The following KAZN variants were observed in gnomAD, a reference collection of about 807,000 sequenced individuals.
KAZN encodes kazrin.
Under a neutral mutation model 87.4 loss-of-function variants are expected in KAZN, and 40 were observed. The observed-to-expected ratio is 0.46, with a 90% CI of 0.36 to 0.60. The LOEUF (loss-of-function observed/expected upper bound fraction) is 0.60. Ranked by LOEUF, KAZN falls within the 20% of genes least tolerant of loss-of-function variation. The pLI is 0.00. For synonymous variants in KAZN, 466 were observed against 458.3 expected, an observed-to-expected ratio of 1.02 and a Z score of -0.22; for missense variants, 898 against 1,073.9, an observed-to-expected ratio of 0.84 and a Z score of 2.29.
At chr1:14,014,315 G>A (rs1407971398) in intron 1 of KAZN, among the ~76,000 whole-genome samples, 1 of 151,948 alleles carries the variant, frequency 6.6e-6, no homozygotes, top group Non-Finnish European at 1.5e-5. Flanking sequence ...GGGTGCTTGG[G>A]CAATGACATG....
At chr1:14,102,115 TC>T (rs1170075787) in intron 1 of KAZN, among the ~76,000 whole-genome samples, 1 of 151,986 alleles carries the variant, frequency 6.6e-6, no homozygotes, top group Non-Finnish European at 1.5e-5. Context: ...AAAAAATAAG[TC>T]CCTTGACTTA....
intron 2 of KAZN, among the ~76,000 whole-genome samples, chr1:14,443,534 C>T (rs1240854390): frequency 1.3e-5 from 2 of 152,232 alleles, no homozygotes; most frequent in African/African-American, 2.4e-5. Flanking sequence ...GGAGAGTCTC[C>T]ATTGGATTGG....
At position 14,656,953 on chromosome 1, in the gene KAZN, C is replaced by T. The variant is rs138049156; in HGVS notation, c.226+57730C>T. Among the ~76,000 whole-genome samples, 262 of 152,200 alleles carry T rather than the reference C, an allele frequency of 1.7e-3. No homozygotes were observed. The East Asian group carries it at 0.02, about 11-fold the overall frequency. ...TTACAGGCCAGGAAACTGAAGTTGG[C>T]GGAGATTCCTCTAGCTGGCAGAATG... On this transcript the variant is annotated intron_variant, in intron 1 of 14. Transcript: ENST00000376030.
Position 14,486,215 on chromosome 1 carries a change from AAAAT to A in KAZN, c.250-112765_250-112762del, listed in dbSNP as rs941237586. On this transcript the variant is annotated intron_variant, in intron 2 of 16. Transcript: ENST00000636203. ...ATATATATCTAGATGGAAAAAATGA[AAAAT>A]AAGTTTAAAGACATTAAGATTTCTA... 1.1e-4 allele frequency among the ~76,000 whole-genome samples: 17 copies of A among 152,228 alleles called. 1 individual carries two copies. The highest frequency in any genetic ancestry group is 2.2e-4 in the Non-Finnish European group (15 of 68,038).
chr1:14,382,253 T>A (rs187199416), intron 2 of KAZN, among the ~76,000 whole-genome samples: 9 of 152,284 alleles, frequency 5.9e-5, no homozygotes, highest in African/African-American at 2.2e-4. Context: ...AATCTACAGA[T>A]TTAATGCAGT....
chr1:14,513,583 A>G (rs1671033140), intron 2 of KAZN, among the ~76,000 whole-genome samples: 1 of 152,216 alleles, frequency 6.6e-6, no homozygotes, highest in Non-Finnish European at 1.5e-5. Flanking sequence ...TTCATGAAAT[A>G]GAAGAATTGC....
chr1:14,067,183 C>T (rs1643042296), intron 1 of KAZN, among the ~76,000 whole-genome samples: 1 of 152,148 alleles, frequency 6.6e-6, no homozygotes, highest in African/African-American at 2.4e-5. Flanking sequence ...CCTTGTCTGT[C>T]TTGCCAACGG....
chr1:14,348,540 T>C (rs1389569870), intron 2 of KAZN, among the ~76,000 whole-genome samples: 1 of 152,238 alleles, frequency 6.6e-6, no homozygotes, highest in African/African-American at 2.4e-5. Context: ...GATTTGCACG[T>C]TGGCATGCTA....
At chr1:14,019,024 C>T (rs556901947) in intron 1 of KAZN, among the ~76,000 whole-genome samples, 130 of 152,318 alleles carry the variant, frequency 8.5e-4, no homozygotes, top group Non-Finnish European at 1.4e-3. Flanking sequence ...GATTCTGTCT[C>T]TCTGGAGTCA....
chr1:14,006,264 A>G (rs1361276285), intron 1 of KAZN, among the ~76,000 whole-genome samples: 1 of 152,208 alleles, frequency 6.6e-6, no homozygotes, highest in East Asian at 1.9e-4. Context: ...GCTTATAAAG[A>G]AAATATATTT....
intron 2 of KAZN, among the ~76,000 whole-genome samples, chr1:14,270,864 C>A (rs998594022): frequency 2.0e-5 from 3 of 152,150 alleles, no homozygotes; most frequent in African/African-American, 7.2e-5. Flanking sequence ...TTTACCCCTT[C>A]CATCCTCACT....
At chr1:13,894,852 A>C (rs1247419130) in intron 1 of KAZN, among the ~76,000 whole-genome samples, 1 of 152,240 alleles carries the variant, frequency 6.6e-6, no homozygotes, top group Non-Finnish European at 1.5e-5. Flanking sequence ...GAGAAGACAC[A>C]CTGGAGCTGG....
intron 1 of KAZN, among the ~76,000 whole-genome samples, chr1:14,015,459 CTTTTTTTTTTTTTTTTTTTTTTTT>C (rs70987713): frequency 1.6e-4 from 4 of 25,066 alleles, no homozygotes; most frequent in Non-Finnish European, 3.4e-4. Context: ...GTTACATCTA[CTTTTTTTTTTTTTTTTTTTTTTTT>C]TTTTTTTTTT....
At chr1:14,794,741 G>A (rs1156811646) in intron 1 of KAZN, among the ~76,000 whole-genome samples, 1 of 152,180 alleles carries the variant, frequency 6.6e-6, no homozygotes, top group African/African-American at 2.4e-5. Flanking sequence ...AACTTGATTT[G>A]ATTGAAGGAT....
intron 1 of KAZN, among the ~76,000 whole-genome samples, chr1:14,736,102 G>T (rs1557437276): frequency 6.6e-6 from 1 of 152,104 alleles, no homozygotes; most frequent in African/African-American, 2.4e-5. Flanking sequence ...AAAAACAGAA[G>T]TTCCCCACAG....
intron 2 of KAZN, among the ~76,000 whole-genome samples, chr1:14,243,712 G>C (rs1649222582): frequency 6.6e-6 from 1 of 152,170 alleles, no homozygotes; most frequent in African/African-American, 2.4e-5. Flanking sequence ...GAAACAGTTT[G>C]CAAGCTGTTG....
intron 1 of KAZN, among the ~76,000 whole-genome samples, chr1:14,055,934 G>T (rs754204116): frequency 2.0e-5 from 3 of 152,102 alleles, no homozygotes; most frequent in Non-Finnish European, 4.4e-5. Context: ...GGTCTTAATC[G>T]TTCCCTTCAC....
intron 2 of KAZN, among the ~76,000 whole-genome samples, chr1:14,302,164 C>T (rs755870304): frequency 6.6e-6 from 1 of 152,194 alleles, no homozygotes; most frequent in Non-Finnish European, 1.5e-5. Flanking sequence ...TCCGAACTGA[C>T]AGCTTCCTCT....
At chr1:14,432,382 A>G (rs1318161769) in intron 2 of KAZN, among the ~76,000 whole-genome samples, 2 of 152,160 alleles carry the variant, frequency 1.3e-5, no homozygotes, top group Non-Finnish European at 1.5e-5. Context: ...TAATCACACC[A>G]GTCTTCCAGA....
Sources: gnomAD v4.1 joint callset for allele counts (sites outside exome capture counted in the v4.1 genomes callset) on GRCh38, gnomAD v4.1.1 for gene constraint, MANE v1.5 for transcripts, NCBI Gene and HGNC (gene_info 2026-07-23, HGNC 2026-07-21) for gene names.